The following PPP4R2 variants were observed in gnomAD, a reference collection of about 807,000 sequenced individuals.
The protein encoded by PPP4R2 is serine/threonine-protein phosphatase 4 regulatory subunit 2.
In PPP4R2, 13 loss-of-function variants were observed where a neutral mutation model predicts 47.2. That is an observed-to-expected ratio of 0.28 (90% CI 0.18 to 0.44). The LOEUF (loss-of-function observed/expected upper bound fraction) is 0.44, where lower values mean the gene tolerates loss of function less well. Among genes scored for constraint, PPP4R2 ranks in the 20% least tolerant of loss-of-function variants. The pLI is 1.00. For missense variants in PPP4R2, 421 were observed against 491.2 expected (o/e 0.86, Z 1.35); for synonymous variants, 151 against 163.3 (o/e 0.92, Z 0.57).
chr3:73,009,959 T>C lies in PPP4R2; in HGVS notation c.116+11801T>C, dbSNP rs369392980. Among the ~76,000 whole-genome samples the C allele has an allele frequency of 2.5e-4, 38 of 152,346 alleles. 1 individual carries two copies. Among genetic ancestry groups the C allele is most frequent in the African/African-American group, 8.9e-4 (37 of 41,578 alleles). On this transcript the variant is annotated intron_variant, in intron 2 of 8. Transcript: ENST00000356692. ...TGCCCAGGTTTTGCATTGCTTGTAA[T>C]ACATGTGTGTGGAAATCTACATGTA...
chr3:73,006,876 A>C (rs1289840489), intron 2 of PPP4R2, among the ~76,000 whole-genome samples: 1 of 152,124 alleles, frequency 6.6e-6, no homozygotes, highest in East Asian at 1.9e-4. Flanking sequence ...ATACACCTTG[A>C]CTTCTCTCTG....
At position 73,067,792 on chromosome 3, in the gene PPP4R2, A is replaced by G. The variant is rs939256727; in HGVS notation, c.*2070A>G. 6.6e-6 allele frequency: 1 copy of G among 152,216 alleles called. No individual in the cohort carries two copies. The highest frequency in any genetic ancestry group is 1.5e-5 in the Non-Finnish European group (1 of 68,028). The allele number at this position is 152,216 out of a possible 1,614,324, so 9.4% of individuals were successfully genotyped here. A position where few individuals can be genotyped will look rare whatever the true frequency, so the allele number is the denominator to read the frequency against. ...CTTTGAGGTCTGTGGTTTTATTTGT[A>G]AACTTGCAATTGCTATATTTGCAAG... On this transcript the variant is annotated 3_prime_UTR_variant, in exon 9 of 9. Coordinates refer to ENST00000356692, the MANE Select transcript of PPP4R2 (RefSeq NM_174907.4).
At chr3:73,000,925 A>G (rs1043075035) in intron 2 of PPP4R2, among the ~76,000 whole-genome samples, 5 of 152,148 alleles carry the variant, frequency 3.3e-5, no homozygotes, top group African/African-American at 1.2e-4. Context: ...TTGAGTTGCA[A>G]TTATTATCCT....
Position 73,044,787 on chromosome 3 carries a change from A to G in PPP4R2, c.117-2399A>G, listed in dbSNP as rs369829058. ...AAGTGCGTATTTAAGTACTTTGCCC[A>G]TTTTTAAATTGGGTCATCTTTTTTG... is the stretch of plus-strand genomic sequence containing the variant. On this transcript the variant is annotated intron_variant, in intron 2 of 8. Coordinates refer to ENST00000356692, the MANE Select transcript of PPP4R2 (RefSeq NM_174907.4). Among the ~76,000 whole-genome samples, 42 of 152,256 alleles carry G rather than the reference A, an allele frequency of 2.8e-4. No individual in the cohort carries two copies. In the East Asian group the frequency reaches 3.7e-3, roughly 13 times the overall value.
In PPP4R2 at chr3:73,063,025, A is replaced by G. The variant is rs904053117; in HGVS notation, c.420-648A>G. 4 of 931,932 alleles carry G rather than the reference A, an allele frequency of 4.3e-6. No individual in the cohort carries two copies. In the African/African-American group the frequency reaches 6.8e-5, roughly 16 times the overall value. 57.7% of individuals were successfully genotyped at this position (931,932 alleles called of 1,614,324 possible). A position where few individuals can be genotyped will look rare whatever the true frequency, so the allele number is the denominator to read the frequency against. On this transcript the variant is annotated intron_variant, in intron 5 of 8. Coordinates refer to ENST00000356692, the MANE Select transcript of PPP4R2 (RefSeq NM_174907.4). ...ATCCCAGTCTTTGAGGAGAAAAAAA[A>G]CAATGGTTAAAAAGGCATTGGGGAA...
chr3:73,045,106 G>T (rs1439059078), intron 2 of PPP4R2, among the ~76,000 whole-genome samples: 1 of 152,112 alleles, frequency 6.6e-6, no homozygotes, highest in Non-Finnish European at 1.5e-5. Flanking sequence ...CAATCCTGTT[G>T]CCTCGGCCTC....
chr3:73,007,127 C>T (rs892797514), intron 2 of PPP4R2, among the ~76,000 whole-genome samples: 8 of 152,162 alleles, frequency 5.3e-5, no homozygotes, highest in African/African-American at 1.7e-4. Flanking sequence ...AGTCACTTCC[C>T]TCATTTATAA....
At chr3:73,016,841 C>G (rs1701849606) in intron 2 of PPP4R2, among the ~76,000 whole-genome samples, 1 of 109,694 alleles carries the variant, frequency 9.1e-6, no homozygotes, top group Non-Finnish European at 1.7e-5. Flanking sequence ...TTTTTAAATA[C>G]AGAGTCTCAC....
intron 2 of PPP4R2, among the ~76,000 whole-genome samples, chr3:73,018,184 T>G (rs1701880042): frequency 6.6e-6 from 1 of 152,200 alleles, no homozygotes. Context: ...CACTTGACCC[T>G]TACACAACAC....
At chr3:73,053,998 G>A (rs1343994900) in intron 3 of PPP4R2, among the ~76,000 whole-genome samples, 1 of 151,466 alleles carries the variant, frequency 6.6e-6, no homozygotes, top group Non-Finnish European at 1.5e-5. Context: ...ACAGAGTGTT[G>A]CTCTATTACC....
chr3:73,039,314 G>GGT (rs943963283), intron 2 of PPP4R2, among the ~76,000 whole-genome samples: 1 of 152,034 alleles, frequency 6.6e-6, no homozygotes, highest in Non-Finnish European at 1.5e-5. Flanking sequence ...GTAGAAATGG[G>GGT]GTTTCACCAT....
intron 2 of PPP4R2, among the ~76,000 whole-genome samples, chr3:72,998,576 G>A (rs1432752491): frequency 6.6e-6 from 1 of 151,836 alleles, no homozygotes; most frequent in Non-Finnish European, 1.5e-5. Context: ...CCTTTTTTTG[G>A]TCATATTTGC....
chr3:73,054,243 A>T (rs1056030669), intron 3 of PPP4R2, among the ~76,000 whole-genome samples: 1 of 152,192 alleles, frequency 6.6e-6, no homozygotes, highest in Non-Finnish European at 1.5e-5. Flanking sequence ...AATAATGATA[A>T]GGAACCCCAA....
At chr3:73,022,198 GTTTCT>G (rs1201101685) in intron 2 of PPP4R2, among the ~76,000 whole-genome samples, 1 of 151,982 alleles carries the variant, frequency 6.6e-6, no homozygotes, top group Non-Finnish European at 1.5e-5. Flanking sequence ...CGCCCAGCCT[GTTTCT>G]TTTAATATTT....
chr3:73,009,019 G>C (rs185860325), intron 2 of PPP4R2, among the ~76,000 whole-genome samples: 1 of 152,306 alleles, frequency 6.6e-6, no homozygotes, highest in South Asian at 2.1e-4. Context: ...TTAATGCAGC[G>C]ACAGGCAGAT....
intron 2 of PPP4R2, among the ~76,000 whole-genome samples, chr3:73,025,648 C>A (rs2107263422): frequency 6.6e-6 from 1 of 152,204 alleles, no homozygotes; most frequent in South Asian, 2.1e-4. Context: ...TTAGTCTGGG[C>A]AGAGGGAACA....
chr3:73,003,443 C>A lies in PPP4R2; in HGVS notation c.116+5285C>A, dbSNP rs368999705. On this transcript the variant is annotated intron_variant, in intron 2 of 8. Coordinates refer to ENST00000356692, the MANE Select transcript of PPP4R2 (RefSeq NM_174907.4). ...GAACAGGCTGTTCTCGAACTCCTGG[C>A]CTCAAGTGATCCTCCCCCTGCCTTT... Among the ~76,000 whole-genome samples the A allele has an allele frequency of 2.5e-4, 38 of 152,138 alleles. 1 individual carries two copies. The highest frequency in any genetic ancestry group is 8.9e-4 in the African/African-American group (37 of 41,518).
chr3:73,056,222 TCA>T (rs1333594702), intron 3 of PPP4R2, among the ~76,000 whole-genome samples: 2 of 152,234 alleles, frequency 1.3e-5, no homozygotes, highest in Non-Finnish European at 1.5e-5. Context: ...GAGGCCTACC[TCA>T]CACTAAGTTT....
intron 2 of PPP4R2, among the ~76,000 whole-genome samples, chr3:73,012,368 C>A (rs899980747): frequency 9.2e-5 from 14 of 152,106 alleles, no homozygotes; most frequent in Admixed American, 3.9e-4. Context: ...GGCGCAATCT[C>A]AGCTCACTGC....
Sources: allele counts gnomAD v4.1 joint callset (sites outside exome capture counted in the v4.1 genomes callset), GRCh38; gene constraint gnomAD v4.1.1; transcripts MANE v1.5; gene names NCBI Gene and HGNC (gene_info 2026-07-23, HGNC 2026-07-21).